The following MAGI2 variants were observed in gnomAD, a reference collection of about 807,000 sequenced individuals.
MAGI2 encodes the protein membrane-associated guanylate kinase, WW and PDZ domain-containing protein 2.
A neutral mutation model predicts 133.3 loss-of-function variants in MAGI2; 35 were observed. That is an observed-to-expected ratio of 0.26 (90% CI 0.20 to 0.35). MAGI2 has a LOEUF of 0.35. Among genes scored for constraint, MAGI2 ranks in the 10% least tolerant of loss-of-function variants. MAGI2 has a pLI of 1.00. For synonymous variants in MAGI2, 729 were observed against 710.6 expected (o/e 1.03, Z -0.41); for missense variants, 1,636 against 1,863.4 (o/e 0.88, Z 2.25).
intron 5 of MAGI2, among the ~76,000 whole-genome samples, chr7:78,493,570 G>A (rs762567935): frequency 1.4e-4 from 21 of 152,116 alleles, no homozygotes; most frequent in South Asian, 4.1e-4. Flanking sequence ...CAGCTAGTGC[G>A]TGAAACTGAA....
chr7:78,318,440 A>T (rs1787654558), intron 9 of MAGI2, among the ~76,000 whole-genome samples: 1 of 152,170 alleles, frequency 6.6e-6, no homozygotes, highest in African/African-American at 2.4e-5. Flanking sequence ...AACGAAAAGG[A>T]ACAACGATTC....
chr7:79,259,544 C>A (rs1169354405), intron 1 of MAGI2, among the ~76,000 whole-genome samples: 1 of 152,100 alleles, frequency 6.6e-6, no homozygotes, highest in African/African-American at 2.4e-5. Context: ...ACTTTAGACC[C>A]CCACTTCATG....
intron 1 of MAGI2, among the ~76,000 whole-genome samples, chr7:79,180,987 G>C (rs1304887591): frequency 3.9e-5 from 6 of 151,940 alleles, no homozygotes; most frequent in African/African-American, 1.5e-4. Flanking sequence ...GCTGATGTAA[G>C]AGGTGAGTTC....
Position 79,225,168 on chromosome 7 carries a change from C to A in MAGI2, c.302-217962G>T, listed in dbSNP as rs142101189. Among the ~76,000 whole-genome samples, 483 of 152,266 alleles carry A rather than the reference C, an allele frequency of 3.2e-3. 1 individual carries two copies. Among genetic ancestry groups the A allele is most frequent in the African/African-American group, 0.011 (457 of 41,546 alleles). ...CTGTGGGCTTCTCCTCTGAGCTTTT[C>A]CACCACCTGTGCATACATTTGTCTC... On this transcript the variant is annotated intron_variant, in intron 1 of 21. Coordinates refer to ENST00000354212, the MANE Select transcript of MAGI2 (RefSeq NM_012301.4).
rs1041693708 is a variant in MAGI2, at chr7:78,805,655, C to T, written c.419-178416G>A. Reference sequence around the variant, plus strand: ...GCTGACCTGTAAACCAAAAGGATACCGTGGAAATGATAGTATCTGTAACTT... The same window carrying T: ...GCTGACCTGTAAACCAAAAGGATACTGTGGAAATGATAGTATCTGTAACTT... On this transcript the variant is annotated intron_variant, in intron 2 of 21. Coordinates refer to ENST00000354212, the MANE Select transcript of MAGI2 (RefSeq NM_012301.4). Among the ~76,000 whole-genome samples the T allele has an allele frequency of 5.3e-5, 8 of 152,126 alleles. No individual in the cohort carries two copies. In the East Asian group the frequency reaches 9.6e-4, roughly 18 times the overall value.
rs147781295 is a variant in MAGI2, at chr7:79,429,776, A to G, written c.301+23244T>C. The stretch of plus-strand genomic sequence containing the variant: ...TTCAAGAATCTTCTATTTTTCAGAC[A>G]TATTAAAACTGACTCTTTTCTAATA... On this transcript the variant is annotated intron_variant, in intron 1 of 21. Transcript: ENST00000354212. Among the ~76,000 whole-genome samples the G allele has an allele frequency of 9.4e-3, 1,438 of 152,298 alleles. 24 individuals are homozygous for G. The highest frequency in any genetic ancestry group is 0.033 in the African/African-American group (1,384 of 41,570).
intron 1 of MAGI2, among the ~76,000 whole-genome samples, chr7:79,107,027 G>A (rs1394330228): frequency 2.0e-5 from 3 of 152,168 alleles, no homozygotes; most frequent in Admixed American, 1.3e-4. Context: ...AGAGATTAAT[G>A]TCCTGATTCC....
intron 3 of MAGI2, among the ~76,000 whole-genome samples, chr7:78,597,817 T>A (rs1804774336): frequency 6.6e-6 from 1 of 152,102 alleles, no homozygotes; most frequent in African/African-American, 2.4e-5. Flanking sequence ...TTATAGAATC[T>A]TCAATCCGAT....
intron 1 of MAGI2, among the ~76,000 whole-genome samples, chr7:79,016,921 C>T (rs1362956239): frequency 6.6e-6 from 1 of 152,232 alleles, no homozygotes. Flanking sequence ...CCTGCCAGTG[C>T]CACATCCCTA....
chr7:78,936,975 A>C (rs1002398687), intron 2 of MAGI2, among the ~76,000 whole-genome samples: 1 of 152,118 alleles, frequency 6.6e-6, no homozygotes, highest in Non-Finnish European at 1.5e-5. Flanking sequence ...TGCCCCAGTA[A>C]CAATGAATAC....
At position 79,283,614 on chromosome 7, in the gene MAGI2, T is replaced by C. The variant is rs1274621072; in HGVS notation, c.301+169406A>G. Among the ~76,000 whole-genome samples, 4 of 152,118 alleles carry C rather than the reference T, an allele frequency of 2.6e-5. No individual in the cohort carries two copies. In the East Asian group the frequency reaches 5.8e-4, roughly 22 times the overall value. Reference sequence around the variant, plus strand: ...TCAGGTGGAATATGTGATGCAATTATGGCCAATAAGACAAGAGAGGAAGTC... The same window carrying C: ...TCAGGTGGAATATGTGATGCAATTACGGCCAATAAGACAAGAGAGGAAGTC... On this transcript the variant is annotated intron_variant, in intron 1 of 21. Coordinates refer to ENST00000354212, the MANE Select transcript of MAGI2 (RefSeq NM_012301.4).
intron 1 of MAGI2, among the ~76,000 whole-genome samples, chr7:79,309,968 T>TAAAAAAA (rs111847690): frequency 6.9e-5 from 7 of 101,510 alleles, no homozygotes; most frequent in South Asian, 6.8e-4. Flanking sequence ...TTGTTTTTCC[T>TAAAAAAA]AAAAAAAAAA....
intron 6 of MAGI2, among the ~76,000 whole-genome samples, chr7:78,480,847 G>C (rs1176258037): frequency 6.6e-6 from 1 of 151,712 alleles, no homozygotes; most frequent in East Asian, 1.9e-4. Flanking sequence ...GGAATACTTA[G>C]GTATACACTA....
chr7:78,436,325 C>CT (rs147795560), intron 6 of MAGI2, among the ~76,000 whole-genome samples: 5,025 of 152,188 alleles, frequency 0.033, 124 homozygotes, highest in South Asian at 0.077. Flanking sequence ...GTGAAAGCCA[C>CT]TTGGATCATT....
At chr7:79,398,817 T>C (rs1046474540) in intron 1 of MAGI2, among the ~76,000 whole-genome samples, 7 of 152,172 alleles carry the variant, frequency 4.6e-5, no homozygotes, top group African/African-American at 1.7e-4. Flanking sequence ...TCAGTGCACA[T>C]AGTATTATGG....
At chr7:79,166,438 C>T (rs972973515) in intron 1 of MAGI2, among the ~76,000 whole-genome samples, 1 of 152,032 alleles carries the variant, frequency 6.6e-6, no homozygotes, top group Non-Finnish European at 1.5e-5. Flanking sequence ...ATCCCAACGC[C>T]TCAAATGAGA....
rs567248692 is a variant in MAGI2 at position 79,426,063 on chromosome 7, C to A, written c.301+26957G>T. On this transcript the variant is annotated intron_variant, in intron 1 of 21. Coordinates refer to ENST00000354212, the MANE Select transcript of MAGI2 (RefSeq NM_012301.4). ...AACATTATACGTATTTGTCTTGATC[C>A]CAAACTGAGAATGTATTCATGGACT... 1.5e-4 allele frequency among the ~76,000 whole-genome samples: 23 copies of A among 152,200 alleles called. 1 individual carries two copies. The South Asian group carries it at 4.8e-3, about 32-fold the overall frequency.
chr7:78,883,251 T>C (rs1291126463), intron 2 of MAGI2, among the ~76,000 whole-genome samples: 2 of 151,846 alleles, frequency 1.3e-5, no homozygotes, highest in Non-Finnish European at 2.9e-5. Context: ...CCATTTGTAA[T>C]AGACACACAC....
chr7:79,451,687 C>T (rs1849266395), intron 1 of MAGI2, among the ~76,000 whole-genome samples: 1 of 152,160 alleles, frequency 6.6e-6, no homozygotes, highest in African/African-American at 2.4e-5. Context: ...CAGTGCGGTA[C>T]ATCTCCGTAA....
Sources: allele counts gnomAD v4.1 joint callset (sites outside exome capture counted in the v4.1 genomes callset), GRCh38; gene constraint gnomAD v4.1.1; transcripts MANE v1.5; gene names NCBI Gene and HGNC (gene_info 2026-07-23, HGNC 2026-07-21).